FAM53B: variants seen among roughly 807,000 people sequenced by gnomAD.
FAM53B encodes protein FAM53B.
In FAM53B, 12 loss-of-function variants were observed where a neutral mutation model predicts 32.7. The ratio of observed to expected loss-of-function variants is 0.37; its 90% CI spans 0.24 to 0.59. FAM53B has a LOEUF of 0.59. Among genes scored for constraint, FAM53B ranks in the 20% least tolerant of loss-of-function variants. FAM53B has a pLI of 0.72. For missense variants in FAM53B, 477 were observed against 577.7 expected (o/e 0.83, Z 1.79); for synonymous variants, 234 against 228.7 (o/e 1.02, Z -0.21).
At chr10:124,743,335 C>T (rs2134108741) in intron 1 of FAM53B, among the ~76,000 whole-genome samples, 1 of 152,318 alleles carries the variant, frequency 6.6e-6, no homozygotes, top group Non-Finnish European at 1.5e-5. Flanking sequence ...GTGCCTGTGC[C>T]GGACGGCCCT....
At chr10:124,670,234 C>G (rs1949699569) in intron 4 of FAM53B, among the ~76,000 whole-genome samples, 1 of 152,208 alleles carries the variant, frequency 6.6e-6, no homozygotes, top group African/African-American at 2.4e-5. Flanking sequence ...CACTGGGGCC[C>G]TGCCTAAGCA....
In FAM53B at chr10:124,620,363, C is replaced by CCG. The variant is rs1554901011; in HGVS notation, c.*2878_*2879insCG. ...GGTGCATGTGGCACTAAGCCCCCCC[C>CCG]ACCGCCCCGGCTTTCCTGCAGGCTT... On this transcript the variant is annotated 3_prime_UTR_variant, in exon 5 of 5. Transcript: ENST00000337318. The CCG allele has an allele frequency of 6.8e-6, 1 of 146,260 alleles. No individual in the cohort carries two copies. The highest frequency in any genetic ancestry group is 2.4e-4 in the South Asian group (1 of 4,192). 9.1% of individuals were successfully genotyped at this position (146,260 alleles called of 1,614,324 possible).
At chr10:124,719,057 G>A (rs199541064) in intron 1 of FAM53B, among the ~76,000 whole-genome samples, 1 of 108,130 alleles carries the variant, frequency 9.2e-6, no homozygotes, top group Admixed American at 1.0e-4. Context: ...TAAAAAAAAA[G>A]AAGAAGAAGA....
chr10:124,646,250 G>A (rs1949513151), intron 4 of FAM53B, among the ~76,000 whole-genome samples: 1 of 152,226 alleles, frequency 6.6e-6, no homozygotes. Flanking sequence ...CTGATTGCCT[G>A]TGTGAGTGCA....
intron 2 of FAM53B, 80 bp downstream of exon 2, chr10:124,706,556 A>T (rs938080089): frequency 1.9e-6 from 3 of 1,571,352 alleles, no homozygotes; most frequent in Middle Eastern, 1.7e-4. Flanking sequence ...TGCTAAGCTT[A>T]GGTGCTCAGT....
intron 4 of FAM53B, among the ~76,000 whole-genome samples, chr10:124,652,046 A>G (rs945702727): frequency 6.6e-6 from 1 of 152,204 alleles, no homozygotes; most frequent in African/African-American, 2.4e-5. Context: ...TTTCAAAGCC[A>G]ACATCAAAGT....
chr10:124,721,604 T>C (rs1239450733), intron 1 of FAM53B, among the ~76,000 whole-genome samples: 1 of 152,220 alleles, frequency 6.6e-6, no homozygotes, highest in Non-Finnish European at 1.5e-5. Flanking sequence ...AGCTTACTTA[T>C]GGGAGACAGT....
intron 4 of FAM53B, among the ~76,000 whole-genome samples, chr10:124,676,983 C>T (rs977310602): frequency 2.6e-5 from 4 of 152,164 alleles, no homozygotes; most frequent in African/African-American, 2.4e-5. Flanking sequence ...TTCGACATCC[C>T]GACCCCTCCC....
At chr10:124,701,618 T>C (rs545479101) in intron 2 of FAM53B, among the ~76,000 whole-genome samples, 1 of 152,296 alleles carries the variant, frequency 6.6e-6, no homozygotes, top group African/African-American at 2.4e-5. Context: ...AGGTCAAACG[T>C]CTGGGCTGCC....
intron 4 of FAM53B, among the ~76,000 whole-genome samples, chr10:124,641,650 T>C (rs1355082652): frequency 6.6e-6 from 1 of 152,160 alleles, no homozygotes; most frequent in Non-Finnish European, 1.5e-5. Flanking sequence ...GCAACCACCA[T>C]GGCCTTAGGG....
At chr10:124,709,773 T>C (rs867874098) in intron 1 of FAM53B, among the ~76,000 whole-genome samples, 1 of 147,690 alleles carries the variant, frequency 6.8e-6, no homozygotes, top group Non-Finnish European at 1.5e-5. Context: ...AGAAATCCTA[T>C]AAAGTGACAA....
At chr10:124,702,096 G>A (rs1208537822) in intron 2 of FAM53B, among the ~76,000 whole-genome samples, 1 of 152,144 alleles carries the variant, frequency 6.6e-6, no homozygotes, top group Admixed American at 6.5e-5. Flanking sequence ...TTCCCGCTCT[G>A]TGACTAAGGC....
At chr10:124,731,777 C>G (rs1355791041) in intron 1 of FAM53B, among the ~76,000 whole-genome samples, 1 of 152,102 alleles carries the variant, frequency 6.6e-6, no homozygotes, top group Non-Finnish European at 1.5e-5. Flanking sequence ...GGCTGTGGCC[C>G]TTCCCCGCAT....
intron 1 of FAM53B, among the ~76,000 whole-genome samples, chr10:124,735,380 C>T (rs368752360): frequency 6.6e-6 from 1 of 152,190 alleles, no homozygotes; most frequent in East Asian, 1.9e-4. Flanking sequence ...AAAAAGATTT[C>T]GTTTCCTAGA....
rs998009064 is a variant in FAM53B, at chr10:124,621,420, A to T, written c.*1822T>A. The T allele has an allele frequency of 2.6e-5, 4 of 152,268 alleles. No homozygotes were observed. Among genetic ancestry groups the T allele is most frequent in the African/African-American group, 9.6e-5 (4 of 41,464 alleles). The allele number at this position is 152,268 out of a possible 1,614,324, so 9.4% of individuals were successfully genotyped here. On this transcript the variant is annotated 3_prime_UTR_variant, in exon 5 of 5. Coordinates refer to ENST00000337318, the MANE Select transcript of FAM53B (RefSeq NM_014661.4). Reference sequence around the variant, plus strand: ...TTGGGTTCGGCTGTCCGGGATCACAAGTAGACATGCCTCCGGCAGGAGCTA... The same window carrying T: ...TTGGGTTCGGCTGTCCGGGATCACATGTAGACATGCCTCCGGCAGGAGCTA...
chr10:124,670,592 C>T (rs1029076165), intron 4 of FAM53B, among the ~76,000 whole-genome samples: 6 of 152,224 alleles, frequency 3.9e-5, no homozygotes, highest in Admixed American at 6.5e-5. Flanking sequence ...ACCGCAGCCT[C>T]GCCATGCCCT....
At chr10:124,673,358 A>G (rs914313397) in intron 4 of FAM53B, among the ~76,000 whole-genome samples, 14 of 152,202 alleles carry the variant, frequency 9.2e-5, no homozygotes, top group African/African-American at 3.4e-4. Context: ...ACAAGGCAGG[A>G]TATCAAACAG....
intron 1 of FAM53B, among the ~76,000 whole-genome samples, chr10:124,708,720 T>C (rs529084402): frequency 3.5e-4 from 53 of 152,324 alleles, no homozygotes; most frequent in Non-Finnish European, 6.6e-4. Flanking sequence ...GCAGCCGTCA[T>C]GTTTCTGTGT....
chr10:124,681,411 G>C (rs886598417), intron 4 of FAM53B, among the ~76,000 whole-genome samples, 196 bp downstream of exon 4: 1 of 152,166 alleles, frequency 6.6e-6, no homozygotes, highest in Non-Finnish European at 1.5e-5. Flanking sequence ...GGGAATATTT[G>C]CTTGTAAATA....
Sources: gnomAD v4.1 joint callset for allele counts (sites outside exome capture counted in the v4.1 genomes callset) on GRCh38, gnomAD v4.1.1 for gene constraint, MANE v1.5 for transcripts, NCBI Gene and HGNC (gene_info 2026-07-23, HGNC 2026-07-21) for gene names.